The following CLVS1 variants were observed in gnomAD, a reference collection of about 807,000 sequenced individuals.
The protein encoded by CLVS1 is clavesin-1.
A neutral mutation model predicts 33.1 loss-of-function variants in CLVS1; 10 were observed. The observed-to-expected ratio is 0.30, with a 90% CI of 0.19 to 0.51. CLVS1 has a LOEUF of 0.51. Among genes scored for constraint, CLVS1 ranks in the 20% least tolerant of loss-of-function variants. The pLI is 0.97. For synonymous variants in CLVS1, 163 were observed against 166.1 expected, an observed-to-expected ratio of 0.98 and a Z score of 0.14; for missense variants, 343 against 433.4, an observed-to-expected ratio of 0.79 and a Z score of 1.85.
chr8:60,998,332 C>A, the CLVS1 span, among the ~76,000 whole-genome samples: 1 of 152,144 alleles, frequency 6.6e-6, no homozygotes, highest in Non-Finnish European at 1.5e-5. Context: ...CACTTCAGCC[C>A]CCTCAGCCTT....
intron 3 of CLVS1, among the ~76,000 whole-genome samples, chr8:61,402,134 A>G (rs1168937062): frequency 6.6e-6 from 1 of 152,196 alleles, no homozygotes; most frequent in Non-Finnish European, 1.5e-5. Context: ...TTAAGCATAC[A>G]TAAATTAATA....
intron 2 of CLVS1, among the ~76,000 whole-genome samples, chr8:61,242,030 C>T (rs1056959417): frequency 2.3e-5 from 3 of 128,276 alleles, no homozygotes; most frequent in African/African-American, 3.4e-5. Flanking sequence ...TTGTTATTTC[C>T]CTGTATGTAA....
chr8:61,130,760 C>T (rs1392828603), intron 1 of CLVS1, among the ~76,000 whole-genome samples: 1 of 152,128 alleles, frequency 6.6e-6, no homozygotes, highest in East Asian at 1.9e-4. Flanking sequence ...AACCCCACAC[C>T]CCTCTACTGT....
chr8:61,340,621 T>C (rs1811997790), intron 2 of CLVS1, among the ~76,000 whole-genome samples: 1 of 152,204 alleles, frequency 6.6e-6, no homozygotes, highest in Admixed American at 6.5e-5. Context: ...GTCTTGGCTA[T>C]TGTGAATAAT....
intron 3 of CLVS1, among the ~76,000 whole-genome samples, chr8:61,439,767 T>A (rs1816472200): frequency 1.3e-5 from 2 of 152,160 alleles, no homozygotes; most frequent in Non-Finnish European, 2.9e-5. Context: ...TTTTCACCTA[T>A]CACTTCCCTC....
intron 2 of CLVS1, among the ~76,000 whole-genome samples, chr8:61,165,238 C>T (rs1040185646): frequency 1.3e-5 from 2 of 152,282 alleles, no homozygotes; most frequent in South Asian, 2.1e-4. Context: ...GGCGGGTCTG[C>T]GACAGTGGCA....
At chr8:61,256,462 G>A (rs563041356) in intron 2 of CLVS1, among the ~76,000 whole-genome samples, 6 of 152,228 alleles carry the variant, frequency 3.9e-5, no homozygotes, top group African/African-American at 1.2e-4. Context: ...GCAGTGAGCC[G>A]AGATCGTGCC....
chr8:61,446,568 C>A (rs1426584722), intron 3 of CLVS1, among the ~76,000 whole-genome samples: 2 of 152,152 alleles, frequency 1.3e-5, no homozygotes, highest in Admixed American at 6.6e-5. Context: ...TAGTTCAAAT[C>A]TCTCTTCCTC....
At chr8:61,274,284 C>A (rs1809522294) in intron 2 of CLVS1, among the ~76,000 whole-genome samples, 1 of 152,042 alleles carries the variant, frequency 6.6e-6, no homozygotes, top group Admixed American at 6.6e-5. Flanking sequence ...CATTCTGTTG[C>A]CATCTGCTTG....
intron 1 of CLVS1, among the ~76,000 whole-genome samples, chr8:61,072,501 C>T (rs1233227044): frequency 1.3e-5 from 2 of 152,138 alleles, no homozygotes; most frequent in African/African-American, 4.8e-5. Flanking sequence ...TGGTAATTCT[C>T]TTATTCCAAG....
rs531850698 is a variant in CLVS1, at chr8:61,427,170, C to T, written c.631-26971C>T. On this transcript the variant is annotated intron_variant, in intron 3 of 5. Transcript: ENST00000325897. ...AGAACTTTAAAGGAGATGTAACTCA[C>T]TCAACAGCAACACTTCATAAAATAA... 4.6e-5 allele frequency among the ~76,000 whole-genome samples: 7 copies of T among 152,310 alleles called. No individual in the cohort carries two copies. In the South Asian group the frequency reaches 8.3e-4, roughly 18 times the overall value.
chr8:61,312,944 G>C (rs1311742683), intron 2 of CLVS1, among the ~76,000 whole-genome samples: 1 of 152,060 alleles, frequency 6.6e-6, no homozygotes, highest in Non-Finnish European at 1.5e-5. Context: ...CAGTCTCTTT[G>C]CCATACATTT....
intron 2 of CLVS1, among the ~76,000 whole-genome samples, chr8:61,246,980 C>A (rs1303215218): frequency 6.6e-6 from 1 of 152,070 alleles, no homozygotes; most frequent in Non-Finnish European, 1.5e-5. Context: ...TCAAGCAGAC[C>A]CCAGTGTCTG....
chr8:61,151,268 T>C (rs1429675903), intron 2 of CLVS1, among the ~76,000 whole-genome samples: 2 of 152,144 alleles, frequency 1.3e-5, no homozygotes, highest in Non-Finnish European at 1.5e-5. Context: ...ATAAACAAAA[T>C]GGAAAAGGGT....
the CLVS1 span, among the ~76,000 whole-genome samples, chr8:61,017,911 T>A: frequency 6.6e-6 from 1 of 152,222 alleles, no homozygotes; most frequent in African/African-American, 2.4e-5. Flanking sequence ...CTAGCCCCAA[T>A]ACGTCCTTAG....
rs1009417030 is a variant in CLVS1 at position 61,499,491 on chromosome 8, T to G, written c.1014T>G (p.His338Gln). Reference sequence around the variant, plus strand: ...TGGTAGAAGCTGGGACCCTGAAACATGAGGAGAAGGGAGAGAATGAGAACA... The same window carrying G: ...TGGTAGAAGCTGGGACCCTGAAACAGGAGGAGAAGGGAGAGAATGAGAACA... ...QSVVEAGTLK[H>Q]EEKGENENTQ... Residue 338 changes from histidine (H) to glutamine (Q), a missense_variant, in exon 6 of 6, where the codon CAT becomes CAG. Physicochemically the swap from His to Gln is conservative, Grantham distance 24 (BLOSUM62 0). This residue lies in a region of CLVS1 where 86 missense variants were observed against 95.0 expected (regional missense o/e 0.91). Transcript: ENST00000325897. 2 of 1,613,734 alleles carry G rather than the reference T, an allele frequency of 1.2e-6. No homozygotes were observed. The highest frequency in any genetic ancestry group is 1.7e-6 in the Non-Finnish European group (2 of 1,179,730).
At chr8:61,494,034 A>G (rs777948253) in intron 5 of CLVS1, among the ~76,000 whole-genome samples, 6 of 152,188 alleles carry the variant, frequency 3.9e-5, no homozygotes, top group Non-Finnish European at 5.9e-5. Flanking sequence ...TTAGCTGTTG[A>G]GATAAGGTAG....
chr8:61,302,828 T>C (rs1810483991), intron 2 of CLVS1, among the ~76,000 whole-genome samples: 1 of 152,170 alleles, frequency 6.6e-6, no homozygotes, highest in Non-Finnish European at 1.5e-5. Flanking sequence ...AGGAAACTTA[T>C]AATCATGGCA....
rs139673964 is a variant in CLVS1, at chr8:61,229,942, T to A, written c.-151-69735T>A. On this transcript the variant is annotated intron_variant, in intron 2 of 2. Transcript: ENST00000522621. Reference sequence around the variant, plus strand: ...CACCCAGCTGAGCCAGGCACATTTCTAACAGCCTTCACCTAGAGTACTCTT... The same window carrying A: ...CACCCAGCTGAGCCAGGCACATTTCAAACAGCCTTCACCTAGAGTACTCTT... Among the ~76,000 whole-genome samples, 854 of 152,298 alleles carry A rather than the reference T, an allele frequency of 5.6e-3. 5 individuals are homozygous for A. Among genetic ancestry groups the A allele is most frequent in the African/African-American group, 0.018 (735 of 41,580 alleles).
Sources: allele counts gnomAD v4.1 joint callset (sites outside exome capture counted in the v4.1 genomes callset), GRCh38; gene constraint gnomAD v4.1.1; regional missense constraint gnomAD v4.1.1; transcripts MANE v1.5; gene names NCBI Gene and HGNC (gene_info 2026-07-23, HGNC 2026-07-21).